Variants in TOX observed in about 807,000 individuals in gnomAD.
The protein encoded by TOX is thymocyte selection-associated high mobility group box protein TOX.
A neutral mutation model predicts 53.7 loss-of-function variants in TOX; 11 were observed. That is an observed-to-expected ratio of 0.20 (90% CI 0.13 to 0.34). The LOEUF (loss-of-function observed/expected upper bound fraction) is 0.34, where lower values mean the gene tolerates loss of function less well. Among genes scored for constraint, TOX ranks in the 10% least tolerant of loss-of-function variants. The pLI is 1.00. For missense variants in TOX, 570 were observed against 664.6 expected, an observed-to-expected ratio of 0.86 and a Z score of 1.56; for synonymous variants, 225 against 245.3, an observed-to-expected ratio of 0.92 and a Z score of 0.77.
intron 3 of TOX, among the ~76,000 whole-genome samples, chr8:58,865,847 TGTCCTGAGACAGAGTCTCAC>T (rs372835387): frequency 0.26 from 30,640 of 116,958 alleles, 3,685 homozygotes; most frequent in South Asian, 0.31. Context: ...TTTTTTTTTT[TGTCCTGAGACAGAGTCTCAC>T]TCTGTCGTCC....
At chr8:59,084,710 C>T (rs1470085476) in intron 1 of TOX, among the ~76,000 whole-genome samples, 1 of 152,186 alleles carries the variant, frequency 6.6e-6, no homozygotes, top group Admixed American at 6.6e-5. Context: ...TAGTGTTTTA[C>T]ACTGTTTTAC....
intron 1 of TOX, among the ~76,000 whole-genome samples, chr8:58,980,543 C>T (rs928518975): frequency 1.3e-5 from 2 of 152,216 alleles, no homozygotes; most frequent in African/African-American, 4.8e-5. Flanking sequence ...ACTCTTATTA[C>T]CTCATTGCCT....
At chr8:59,012,422 A>T (rs1166136660) in intron 1 of TOX, among the ~76,000 whole-genome samples, 1 of 151,902 alleles carries the variant, frequency 6.6e-6, no homozygotes, top group Admixed American at 6.6e-5. Flanking sequence ...GTGACTTGAG[A>T]CTTAGCCTGC....
chr8:59,113,844 G>C (rs563117265), intron 1 of TOX, among the ~76,000 whole-genome samples: 1 of 152,266 alleles, frequency 6.6e-6, no homozygotes, highest in South Asian at 2.1e-4. Context: ...ATCAGTATTT[G>C]AGAAACACCC....
intron 5 of TOX, among the ~76,000 whole-genome samples, chr8:58,837,029 C>T (rs918590781): frequency 9.9e-5 from 15 of 152,174 alleles, no homozygotes; most frequent in South Asian, 8.3e-4. Flanking sequence ...ATAAATAATG[C>T]AAAAGTGCTT....
intron 1 of TOX, among the ~76,000 whole-genome samples, chr8:59,012,265 G>A (rs1813920606): frequency 6.6e-6 from 1 of 152,114 alleles, no homozygotes; most frequent in Admixed American, 6.6e-5. Flanking sequence ...TAGAACCACA[G>A]TCAGATGATA....
intron 7 of TOX, among the ~76,000 whole-genome samples, chr8:58,810,807 C>T (rs1367574082): frequency 6.6e-6 from 1 of 151,996 alleles, no homozygotes; most frequent in African/African-American, 2.4e-5. Context: ...AGCAACCACA[C>T]GAGACCAACC....
chr8:58,898,270 A>G (rs1196984964), intron 3 of TOX, among the ~76,000 whole-genome samples: 4 of 152,178 alleles, frequency 2.6e-5, no homozygotes. Flanking sequence ...TCTCTCTGGA[A>G]TTTCAATTTA....
chr8:59,089,923 T>G (rs761552041), intron 1 of TOX, among the ~76,000 whole-genome samples: 1 of 152,226 alleles, frequency 6.6e-6, no homozygotes, highest in Non-Finnish European at 1.5e-5. Context: ...CCATCCATGC[T>G]AGGAACTTAA....
At chr8:58,856,352 G>A (rs1468873185) in intron 3 of TOX, among the ~76,000 whole-genome samples, 1 of 152,050 alleles carries the variant, frequency 6.6e-6, no homozygotes, top group Non-Finnish European at 1.5e-5. Flanking sequence ...CATGACTAAT[G>A]CATTTTTCAA....
At chr8:59,039,954 TATA>T (rs1347542495) in intron 1 of TOX, among the ~76,000 whole-genome samples, 2 of 152,334 alleles carry the variant, frequency 1.3e-5, no homozygotes, top group African/African-American at 2.4e-5. Context: ...TCATTAAAAA[TATA>T]ATAATTCCAA....
intron 3 of TOX, among the ~76,000 whole-genome samples, chr8:58,878,417 AT>A (rs1811323136): frequency 6.6e-6 from 1 of 152,180 alleles, no homozygotes; most frequent in African/African-American, 2.4e-5. Flanking sequence ...TTTCTTCTCA[AT>A]CATCTTTAAA....
Position 58,933,206 on chromosome 8 carries a change from A to C in TOX, c.411+6096T>G, listed in dbSNP as rs528287553. Among the ~76,000 whole-genome samples the C allele has an allele frequency of 7.2e-5, 11 of 152,312 alleles. No homozygotes were observed. In the South Asian group the frequency reaches 2.3e-3, roughly 32 times the overall value. Reference sequence around the variant, plus strand: ...TCTGTTGACTGCACAAAGAACAAGCAATCACCACATATAGGCCAGGCTGAG... The same window carrying C: ...TCTGTTGACTGCACAAAGAACAAGCCATCACCACATATAGGCCAGGCTGAG... On this transcript the variant is annotated intron_variant, in intron 3 of 8. Coordinates refer to ENST00000361421, the MANE Select transcript of TOX (RefSeq NM_014729.3).
At chr8:58,872,676 G>T (rs1811218152) in intron 3 of TOX, among the ~76,000 whole-genome samples, 1 of 152,128 alleles carries the variant, frequency 6.6e-6, no homozygotes, top group African/African-American at 2.4e-5. Context: ...CATGCCAATT[G>T]AGGGACAAAT....
At chr8:59,035,981 C>T in intron 1 of TOX, among the ~76,000 whole-genome samples, 1 of 152,254 alleles carries the variant, frequency 6.6e-6, no homozygotes, top group East Asian at 1.9e-4. Context: ...AGTCATGTAA[C>T]TCCCCTTGAC....
intron 1 of TOX, among the ~76,000 whole-genome samples, chr8:59,038,172 G>A (rs989738995): frequency 2.0e-5 from 3 of 152,162 alleles, no homozygotes; most frequent in African/African-American, 7.2e-5. Flanking sequence ...TATTTTAACT[G>A]AAGCCTTTAA....
chr8:58,836,341 AG>A (rs1448208687), intron 5 of TOX, among the ~76,000 whole-genome samples: 1 of 152,192 alleles, frequency 6.6e-6, no homozygotes, highest in Non-Finnish European at 1.5e-5. Flanking sequence ...GCAGGGTGAG[AG>A]CAAACTGACC....
intron 1 of TOX, among the ~76,000 whole-genome samples, chr8:59,013,413 C>CTTT (rs35734986): frequency 1.1e-3 from 156 of 146,368 alleles, no homozygotes; most frequent in African/African-American, 3.6e-3. Context: ...TCAGATAGGC[C>CTTT]TTTTTTTTTT....
chr8:58,810,047 A>G (rs1810051822), intron 7 of TOX, among the ~76,000 whole-genome samples: 1 of 152,218 alleles, frequency 6.6e-6, no homozygotes, highest in South Asian at 2.1e-4. Flanking sequence ...GTGCAGTGGC[A>G]TGATCATAGC....
Sources: allele counts gnomAD v4.1 joint callset (sites outside exome capture counted in the v4.1 genomes callset), GRCh38; gene constraint gnomAD v4.1.1; transcripts MANE v1.5; gene names NCBI Gene and HGNC (gene_info 2026-07-23, HGNC 2026-07-21).